CHN2: variants seen among roughly 807,000 people sequenced by gnomAD.
The protein encoded by CHN2 is chimerin 2.
Under a neutral mutation model 56.3 loss-of-function variants are expected in CHN2, and 35 were observed. That is an observed-to-expected ratio of 0.62 (90% CI 0.47 to 0.82). The LOEUF is 0.82. Ranked by LOEUF, CHN2 falls within the 40% of genes least tolerant of loss-of-function variation. The probability of loss-of-function intolerance (pLI) is 0.00; values close to 1 mark genes in which losing one functional copy is unlikely to be tolerated. For missense variants in CHN2, 491 were observed against 580.5 expected (o/e 0.85, Z 1.58); for synonymous variants, 210 against 212.8 (o/e 0.99, Z 0.12).
intron 12 of CHN2, among the ~76,000 whole-genome samples, chr7:29,512,047 G>T (rs1355398704): frequency 6.6e-6 from 1 of 152,052 alleles, no homozygotes; most frequent in African/African-American, 2.4e-5. Flanking sequence ...ATAACGGCCT[G>T]ACTCTTCCTC....
At chr7:29,205,707 T>G (rs987661930) in intron 1 of CHN2, among the ~76,000 whole-genome samples, 3 of 152,212 alleles carry the variant, frequency 2.0e-5, no homozygotes, top group African/African-American at 4.8e-5. Context: ...CTCTACTCTA[T>G]GTAAAGCTCC....
At chr7:29,176,014 G>A (rs1158022781) in intron 2 of CHN2, among the ~76,000 whole-genome samples, 5 of 151,990 alleles carry the variant, frequency 3.3e-5, no homozygotes, top group African/African-American at 7.2e-5. Context: ...GTGAAACCCC[G>A]TCTCTACTAA....
intron 6 of CHN2, chr7:29,479,830 A>G (rs1289095031): frequency 6.2e-6 from 8 of 1,285,704 alleles, no homozygotes; most frequent in Middle Eastern, 3.1e-4. Flanking sequence ...GGCTGACTGG[A>G]TACCGCTTCT....
At chr7:29,244,316 CCATGAAG>C (rs1200197207) in intron 1 of CHN2, among the ~76,000 whole-genome samples, 8 of 152,276 alleles carry the variant, frequency 5.3e-5, no homozygotes, top group Middle Eastern at 3.4e-3. Flanking sequence ...ATGTCTAAGA[CCATGAAG>C]CATACAATCC....
chr7:29,210,507 C>T (rs1158827205), intron 1 of CHN2, among the ~76,000 whole-genome samples: 1 of 152,074 alleles, frequency 6.6e-6, no homozygotes, highest in East Asian at 1.9e-4. Flanking sequence ...TTTAGAGATA[C>T]TGCAATGAAC....
intron 6 of CHN2, among the ~76,000 whole-genome samples, chr7:29,443,286 G>T (rs1783803772): frequency 1.3e-5 from 2 of 152,158 alleles, no homozygotes; most frequent in Non-Finnish European, 2.9e-5. Flanking sequence ...TCAGAGCAGA[G>T]GTCGTCTTGC....
intron 1 of CHN2, chr7:29,212,379 G>A: frequency 6.3e-7 from 1 of 1,599,720 alleles, no homozygotes; most frequent in Admixed American, 1.7e-5. Context: ...ACCTATGGCT[G>A]TGATTTGTGG....
At chr7:29,258,072 T>C (rs1427317297) in intron 1 of CHN2, among the ~76,000 whole-genome samples, 1 of 152,106 alleles carries the variant, frequency 6.6e-6, no homozygotes, top group Non-Finnish European at 1.5e-5. Flanking sequence ...GTGTGAGCCA[T>C]TGCGCCCAGC....
In CHN2 at chr7:29,194,954, A is replaced by G. The variant is rs1195057080; in HGVS notation, c.13A>G (p.Ser5Gly). Residue 5 changes from serine (S) to glycine (G), a missense_variant, in exon 1 of 13, where the codon AGC becomes GGC. Ser to Gly is a moderately conservative substitution (Grantham distance 56). Transcript: ENST00000222792. ...GGGGCGCGCGGAGATGGCAGCGTCC[A>G]GCAACTCCAGCCTGTCCGGCTCGTC... MAAS[S>G]NSSLSGSSVS... is the part of the protein sequence containing the mutation. 1.3e-6 allele frequency: 2 copies of G among 1,576,176 alleles called. No homozygotes were observed. The highest frequency in any genetic ancestry group is 1.4e-5 in the African/African-American group (1 of 71,256).
chr7:29,348,217 C>G (rs1797612581), intron 1 of CHN2, among the ~76,000 whole-genome samples: 1 of 152,142 alleles, frequency 6.6e-6, no homozygotes, highest in African/African-American at 2.4e-5. Flanking sequence ...CATGGAGGAG[C>G]TTTCTGTAGG....
intron 1 of CHN2, among the ~76,000 whole-genome samples, chr7:29,254,444 A>G (rs893066520): frequency 6.6e-6 from 1 of 152,244 alleles, no homozygotes; most frequent in Non-Finnish European, 1.5e-5. Context: ...CACGTTCTGT[A>G]ACAATGAGGA....
intron 1 of CHN2, chr7:29,212,559 A>C: frequency 6.9e-7 from 1 of 1,455,760 alleles, no homozygotes; most frequent in Non-Finnish European, 9.6e-7. Flanking sequence ...GCCCCAAAAA[A>C]GGGAGACGAG....
At chr7:29,187,383 G>C (rs1330354344) in intron 2 of CHN2, among the ~76,000 whole-genome samples, 1 of 151,978 alleles carries the variant, frequency 6.6e-6, no homozygotes, top group Admixed American at 6.6e-5. Flanking sequence ...GAGAGACAGA[G>C]AGCACTTGAG....
At chr7:29,212,329 G>T in intron 1 of CHN2, 7 of 1,394,324 alleles carry the variant, frequency 5.0e-6, no homozygotes, top group East Asian at 2.3e-5. Context: ...TGTCTGCAAA[G>T]CTTGCCTTGC....
chr7:29,203,267 G>A (rs1192060568), intron 1 of CHN2, among the ~76,000 whole-genome samples: 3 of 152,100 alleles, frequency 2.0e-5, no homozygotes, highest in African/African-American at 7.2e-5. Context: ...AGGAGTTTGA[G>A]ATCAGCCTGA....
chr7:29,162,148 A>G (rs1199655053), intron 2 of CHN2, among the ~76,000 whole-genome samples: 1 of 152,198 alleles, frequency 6.6e-6, no homozygotes, highest in African/African-American at 2.4e-5. Context: ...TTACTATACA[A>G]CTGAACAACA....
intron 2 of CHN2, among the ~76,000 whole-genome samples, chr7:29,188,522 CCTT>C (rs1280599522): frequency 1.3e-5 from 2 of 151,758 alleles, no homozygotes; most frequent in Non-Finnish European, 2.9e-5. Context: ...CATTTACTCT[CCTT>C]TTTTTATTTT....
Position 29,513,000 on chromosome 7 carries a change from TA to T in CHN2, c.*266del. On this transcript the variant is annotated 3_prime_UTR_variant, in exon 13 of 13. Coordinates refer to ENST00000222792, the MANE Select transcript of CHN2 (RefSeq NM_004067.4). ...TCTGGTTTGCTGGAAGAGTGATTAA[TA>T]CATCTTTAATTTATTAAAAAACAAT... 3.0e-6 allele frequency: 1 copy of T among 328,394 alleles called. No individual in the cohort carries two copies. The allele number at this position is 328,394 out of a possible 1,614,324, so 20.3% of individuals were successfully genotyped here.
At position 29,368,009 on chromosome 7, in the gene CHN2, A is replaced by G. The variant is rs1051288959; in HGVS notation, c.144+22A>G. The G allele has an allele frequency of 6.4e-5, 102 of 1,597,268 alleles. 2 individuals carry two copies. Among genetic ancestry groups the G allele is most frequent in the South Asian group, 1.6e-4 (14 of 88,808 alleles). The stretch of plus-strand genomic sequence containing the variant: ...GGAGGTCAGTGCTCAGCTATTTCCA[A>G]TACACCTTGTTAAATATGATGAATT... On this transcript the variant is annotated intron_variant, in intron 3 of 12. Coordinates refer to ENST00000222792, the MANE Select transcript of CHN2 (RefSeq NM_004067.4).
Sources: gnomAD v4.1 joint callset for allele counts (sites outside exome capture counted in the v4.1 genomes callset) on GRCh38, gnomAD v4.1.1 for gene constraint, MANE v1.5 for transcripts, NCBI Gene and HGNC (gene_info 2026-07-23, HGNC 2026-07-21) for gene names.